The following BDP1 variants were observed in gnomAD, a reference collection of about 807,000 sequenced individuals.
The protein encoded by BDP1 is BDP1 general transcription factor IIIB subunit, also known as transcription factor TFIIIB component B'' homolog.
A neutral mutation model predicts 266.6 loss-of-function variants in BDP1; 169 were observed. That is an observed-to-expected ratio of 0.63 (90% CI 0.56 to 0.72). The LOEUF (loss-of-function observed/expected upper bound fraction) is 0.72, where lower values mean the gene tolerates loss of function less well. BDP1 is among the 30% of genes least tolerant of loss of function. The pLI is 0.00. For missense variants in BDP1, 3,015 were observed against 3,053.8 expected (o/e 0.99, Z 0.30); for synonymous variants, 1,090 against 1,022.4 (o/e 1.07, Z -1.26).
chr5:71,455,916 C>T lies in BDP1; in HGVS notation c.39C>T (p.Val13=). The T allele has an allele frequency of 6.2e-7, 1 of 1,608,384 alleles. No individual in the cohort carries two copies. Among genetic ancestry groups the T allele is most frequent in the Admixed American group, 1.7e-5 (1 of 58,906 alleles). The change falls in exon 1 of 39, where the codon GTC becomes GTT. Residue 13 remains valine (V), a synonymous_variant. Transcript: ENST00000358731. The part of the protein sequence containing the change: ...RRARLSVKPN[V]RPGVGARGST... ...CACGCCTTAGCGTGAAGCCGAATGT[C>T]AGGCCTGGTGTAGGCGCCAGGGGCT...
chr5:71,523,459 G>T (rs1252174579), intron 24 of BDP1, among the ~76,000 whole-genome samples: 1 of 151,984 alleles, frequency 6.6e-6, no homozygotes, highest in African/African-American at 2.4e-5. Flanking sequence ...GATTACAGGC[G>T]TGCACCACCG....
the BDP1 span, among the ~76,000 whole-genome samples, chr5:71,575,900 A>G: frequency 3.3e-5 from 5 of 152,212 alleles, no homozygotes; most frequent in African/African-American, 9.6e-5. Context: ...TATTGCATCA[A>G]TTATTCAGAG....
In BDP1 at chr5:71,472,944, G is replaced by GAGTGC. The variant is rs543853238; in HGVS notation, c.1014+2460_1014+2464dup. ...GGGTCTCACTCTGTCACCCAAGCTG[G>GAGTGC]AGTGCAGTGGTGCTATCATGGCTCA... is the stretch of plus-strand genomic sequence containing the variant. On this transcript the variant is annotated intron_variant, in intron 7 of 38. Transcript: ENST00000358731. Among the ~76,000 whole-genome samples, 484 of 132,828 alleles carry GAGTGC rather than the reference G, an allele frequency of 3.6e-3. 8 individuals are homozygous for GAGTGC. The highest frequency in any genetic ancestry group is 0.012 in the African/African-American group (445 of 36,380). 87.1% of individuals were successfully genotyped at this position (132,828 alleles called of 152,430 possible).
intron 22 of BDP1, among the ~76,000 whole-genome samples, chr5:71,517,821 T>G (rs1167524262): frequency 6.6e-6 from 1 of 152,110 alleles, no homozygotes; most frequent in Non-Finnish European, 1.5e-5. Context: ...CTCCCAGCAC[T>G]TTGGGAAGCC....
chr5:71,489,702 A>T lies in BDP1; in HGVS notation c.1492+20A>T. The T allele has an allele frequency of 6.3e-7, 1 of 1,579,216 alleles. No homozygotes were observed. The highest frequency in any genetic ancestry group is 8.6e-7 in the Non-Finnish European group (1 of 1,167,932). On this transcript the variant is annotated intron_variant, in intron 10 of 38. Coordinates refer to ENST00000358731, the MANE Select transcript of BDP1 (RefSeq NM_018429.3). The stretch of plus-strand genomic sequence containing the variant: ...ACAAGAGTAAGTTTCTTACATATTT[A>T]AAAAGCCTCTATATTACTTGAGAAG...
At chr5:71,570,705 C>T (rs556331605), downstream of BDP1, among the ~76,000 whole-genome samples, 2 of 152,354 alleles carry the variant, frequency 1.3e-5, no homozygotes, top group South Asian at 4.1e-4. Flanking sequence ...CCAGTATTCC[C>T]AATGAGGTCA....
chr5:71,547,709 G>A (rs1742435345), intron 32 of BDP1, among the ~76,000 whole-genome samples: 1 of 152,154 alleles, frequency 6.6e-6, no homozygotes, highest in South Asian at 2.1e-4. Context: ...CAGCTCTTTG[G>A]GAGGCTGAGG....
chr5:71,564,363 T>C (rs1236825650), intron 38 of BDP1, among the ~76,000 whole-genome samples: 1 of 152,114 alleles, frequency 6.6e-6, no homozygotes, highest in Non-Finnish European at 1.5e-5. Context: ...TTACTTTATT[T>C]AGTGACAGAT....
Position 71,524,233 on chromosome 5 carries a change from C to T in BDP1, c.5682C>T (p.Pro1894=), listed in dbSNP as rs535650719. 2.9e-5 allele frequency: 46 copies of T among 1,613,970 alleles called. No individual in the cohort carries two copies. Among genetic ancestry groups the T allele is most frequent in the Non-Finnish European group, 3.5e-5 (41 of 1,180,000 alleles). Residue 1894 remains proline, a synonymous_variant, in exon 25 of 39, where the codon CCC becomes CCT. Coordinates refer to ENST00000358731, the MANE Select transcript of BDP1 (RefSeq NM_018429.3). ...AGGAAGAAAGCTATCATCTTGCTCC[C>T]GAAGAAGTAAACAAAGCTCCAGTAT... ...DYEEESYHLA[P]EEVNKAPVFV...
In BDP1 at chr5:71,458,840, A is replaced by C; in HGVS notation, c.474A>C (p.Glu158Asp). ...AACTGAGGGAAATGTTAAAAGAAGA[A>C]TTGAGAAAAGAGAAGGTAAGGGAGG... ...AQKLREMLKE[E>D]LRKEKKQWKN... is the part of the protein sequence containing the mutation. The change falls in exon 2 of 39, where the codon GAA becomes GAC. Residue 158 changes from glutamate (E) to aspartate (D), a missense_variant. Glu to Asp is a conservative substitution (Grantham distance 45). Around this residue, in one of 3 missense-constraint regions of BDP1, gnomAD observed 2,383 missense variants for 2,404.9 expected, o/e 0.99. Coordinates refer to ENST00000358731, the MANE Select transcript of BDP1 (RefSeq NM_018429.3). 1 of 1,611,064 alleles carries C rather than the reference A, an allele frequency of 6.2e-7. No homozygotes were observed. Among genetic ancestry groups the C allele is most frequent in the Non-Finnish European group, 8.5e-7 (1 of 1,179,368 alleles).
chr5:71,514,456 C>T (rs1765113237), intron 19 of BDP1, among the ~76,000 whole-genome samples: 1 of 152,082 alleles, frequency 6.6e-6, no homozygotes, highest in Admixed American at 6.5e-5. Flanking sequence ...TTGAATATAT[C>T]CACTTACACT....
At chr5:71,547,368 C>T (rs1455883956) in intron 32 of BDP1, among the ~76,000 whole-genome samples, 1 of 152,058 alleles carries the variant, frequency 6.6e-6, no homozygotes, top group Non-Finnish European at 1.5e-5. Context: ...ATTCAACTTA[C>T]ATATTTTAGG....
chr5:71,505,677 A>C (rs1456929438), intron 16 of BDP1, among the ~76,000 whole-genome samples: 2 of 152,216 alleles, frequency 1.3e-5, no homozygotes, highest in Admixed American at 1.3e-4. Flanking sequence ...AGCCTATGCT[A>C]TACTTTCTTA....
At chr5:71,528,073 G>C (rs1449149421) in intron 25 of BDP1, among the ~76,000 whole-genome samples, 1 of 151,866 alleles carries the variant, frequency 6.6e-6, no homozygotes, top group Non-Finnish European at 1.5e-5. Flanking sequence ...CATCTGCCTG[G>C]GCCTCCCAAA....
At chr5:71,542,324 C>A (rs946615876) in intron 30 of BDP1, 59 bp downstream of exon 30, 11 of 1,389,578 alleles carry the variant, frequency 7.9e-6, no homozygotes, top group South Asian at 1.3e-5. Flanking sequence ...ATTACATTAA[C>A]ATTTCAAAGA....
At chr5:71,561,612 T>G (rs1366348259) in intron 37 of BDP1, among the ~76,000 whole-genome samples, 5 of 152,104 alleles carry the variant, frequency 3.3e-5, no homozygotes, top group South Asian at 2.1e-4. Flanking sequence ...CAGATGAACA[T>G]AGCTGTGTTC....
At chr5:71,516,689 AT>A (rs1356242046) in intron 21 of BDP1, among the ~76,000 whole-genome samples, 1 of 152,194 alleles carries the variant, frequency 6.6e-6, no homozygotes, top group African/African-American at 2.4e-5. Flanking sequence ...GGATCAAGAA[AT>A]ATGTTAGTTA....
chr5:71,524,408 G>A (rs1002502277), intron 25 of BDP1, 85 bp downstream of exon 25: 10 of 1,331,748 alleles, frequency 7.5e-6, no homozygotes, highest in South Asian at 3.0e-5. Flanking sequence ...ATTTCTTCTC[G>A]TAGTGATTAT....
intron 35 of BDP1, among the ~76,000 whole-genome samples, chr5:71,555,018 G>T (rs555864479): frequency 7.2e-5 from 11 of 152,228 alleles, no homozygotes; most frequent in Admixed American, 1.3e-4. Context: ...TTTCAGCTTT[G>T]GGATGCTCAG....
Sources: allele counts gnomAD v4.1 joint callset (sites outside exome capture counted in the v4.1 genomes callset), GRCh38; gene constraint gnomAD v4.1.1; regional missense constraint gnomAD v4.1.1; transcripts MANE v1.5; gene names NCBI Gene and HGNC (gene_info 2026-07-23, HGNC 2026-07-21).